The following OSBPL6 variants were observed in gnomAD, a reference collection of about 807,000 sequenced individuals.
The protein encoded by OSBPL6 is oxysterol binding protein like 6.
In OSBPL6, 49 loss-of-function variants were observed where a neutral mutation model predicts 125.8. That is an observed-to-expected ratio of 0.39 (90% CI 0.31 to 0.49). The LOEUF (loss-of-function observed/expected upper bound fraction) is 0.49, where lower values mean the gene tolerates loss of function less well. Ranked by LOEUF, OSBPL6 falls within the 20% of genes least tolerant of loss-of-function variation. The probability of loss-of-function intolerance (pLI) is 0.88; values close to 1 mark genes in which losing one functional copy is unlikely to be tolerated. For synonymous variants in OSBPL6, 394 were observed against 391.8 expected (o/e 1.01, Z -0.07); for missense variants, 986 against 1,135.4 (o/e 0.87, Z 1.89).
chr2:178,391,836 G>C (rs1452590805), intron 22 of OSBPL6, among the ~76,000 whole-genome samples: 25 of 152,198 alleles, frequency 1.6e-4, no homozygotes, highest in Non-Finnish European at 1.0e-4. Context: ...AGTTTCCTAA[G>C]AGACATCAAT....
chr2:178,228,379 C>CA (rs1202728496), intron 1 of OSBPL6, among the ~76,000 whole-genome samples: 19 of 152,168 alleles, frequency 1.2e-4, no homozygotes, highest in South Asian at 2.1e-4. Flanking sequence ...ACTAAAAATA[C>CA]AAAAAATGAG....
intron 1 of OSBPL6, among the ~76,000 whole-genome samples, chr2:178,271,853 T>A (rs1228466856): frequency 6.6e-6 from 1 of 152,186 alleles, no homozygotes; most frequent in Admixed American, 6.5e-5. Context: ...ATGTTCCAGA[T>A]GTCATTGATA....
intron 1 of OSBPL6, among the ~76,000 whole-genome samples, chr2:178,206,360 G>A (rs191503705): frequency 6.6e-6 from 1 of 152,268 alleles, no homozygotes; most frequent in Non-Finnish European, 1.5e-5. Flanking sequence ...CAGGAAAAAC[G>A]GTGTCCTTAC....
chr2:178,378,546 T>G (rs1559313402), intron 15 of OSBPL6, among the ~76,000 whole-genome samples: 1 of 152,258 alleles, frequency 6.6e-6, no homozygotes, highest in Admixed American at 6.5e-5. Flanking sequence ...TAAACTTGTT[T>G]CTGCAATGCT....
At chr2:178,305,426 T>C (rs1686673782) in intron 2 of OSBPL6, among the ~76,000 whole-genome samples, 1 of 152,228 alleles carries the variant, frequency 6.6e-6, no homozygotes, top group Non-Finnish European at 1.5e-5. Context: ...CATTTACCCC[T>C]GCTCTAAGAT....
intron 11 of OSBPL6, among the ~76,000 whole-genome samples, chr2:178,342,413 A>C (rs957179083): frequency 6.6e-6 from 1 of 152,182 alleles, no homozygotes; most frequent in Non-Finnish European, 1.5e-5. Context: ...GAAAGTAAAA[A>C]TGAAAAACAT....
intron 13 of OSBPL6, among the ~76,000 whole-genome samples, chr2:178,368,074 A>G (rs1434092): frequency 0.76 from 114,944 of 152,014 alleles, 43,786 homozygotes; most frequent in East Asian, 1. Flanking sequence ...GTCATGAAGA[A>G]CATCACTTCC....
At position 178,195,063 on chromosome 2, in the gene OSBPL6, GAGA is replaced by G. The variant is rs544920307; in HGVS notation, c.-351+392_-351+394del. 3.6e-3 allele frequency among the ~76,000 whole-genome samples: 543 copies of G among 152,302 alleles called. 6 individuals carry two copies. In the Middle Eastern group the frequency reaches 0.037, roughly 10 times the overall value. On this transcript the variant is annotated intron_variant, in intron 1 of 24. Coordinates refer to ENST00000190611, the MANE Select transcript of OSBPL6 (RefSeq NM_032523.4). ...GCCTGGGGATTGAAGCAGGGGCAGG[GAGA>G]AGGACTGATGTAATTGTCAGCGGAA... is the stretch of plus-strand genomic sequence containing the variant.
chr2:178,198,874 A>G (rs1355579126), intron 1 of OSBPL6, among the ~76,000 whole-genome samples: 4 of 152,228 alleles, frequency 2.6e-5, no homozygotes, highest in Admixed American at 1.3e-4. Context: ...CAAAGGTACA[A>G]TAGCTAAAAT....
At chr2:178,256,219 C>T (rs2091883671) in intron 1 of OSBPL6, among the ~76,000 whole-genome samples, 1 of 152,164 alleles carries the variant, frequency 6.6e-6, no homozygotes, top group Non-Finnish European at 1.5e-5. Context: ...GCAAAAAGAC[C>T]CTTTCCGTGG....
chr2:178,320,532 T>C (rs1688146742), intron 3 of OSBPL6: 2 of 919,894 alleles, frequency 2.2e-6, no homozygotes, highest in Non-Finnish European at 3.3e-6. Context: ...CATAACCCTT[T>C]ATTTAACTTG....
At chr2:178,340,608 G>A (rs1322249702) in intron 11 of OSBPL6, among the ~76,000 whole-genome samples, 1 of 151,906 alleles carries the variant, frequency 6.6e-6, no homozygotes, top group East Asian at 1.9e-4. Flanking sequence ...CCTCCTAAAT[G>A]CATATTATAC....
intron 2 of OSBPL6, among the ~76,000 whole-genome samples, chr2:178,297,084 A>T (rs1174034803): frequency 6.6e-6 from 1 of 152,160 alleles, no homozygotes; most frequent in African/African-American, 2.4e-5. Context: ...GAAAGAATTA[A>T]TGCTACTGCA....
At chr2:178,275,437 G>A (rs1044101663) in intron 1 of OSBPL6, among the ~76,000 whole-genome samples, 5 of 152,240 alleles carry the variant, frequency 3.3e-5, no homozygotes, top group East Asian at 1.9e-4. Context: ...TCTTGAACCC[G>A]GAAGCCGGAG....
intron 5 of OSBPL6, among the ~76,000 whole-genome samples, chr2:178,331,133 C>A (rs535043831): frequency 6.6e-6 from 1 of 152,274 alleles, no homozygotes; most frequent in East Asian, 1.9e-4. Flanking sequence ...CTGTGGTATC[C>A]AGGGAAAATT....
intron 1 of OSBPL6, among the ~76,000 whole-genome samples, chr2:178,275,846 C>A (rs1449484867): frequency 6.6e-6 from 1 of 152,104 alleles, no homozygotes; most frequent in Non-Finnish European, 1.5e-5. Context: ...CTGTTATGAA[C>A]ACTTTACATG....
intron 1 of OSBPL6, among the ~76,000 whole-genome samples, chr2:178,205,084 C>T (rs1004377921): frequency 3.3e-5 from 5 of 152,282 alleles, no homozygotes; most frequent in South Asian, 2.1e-4. Context: ...TGCCAAGCTC[C>T]TGCAGTTTGT....
At chr2:178,279,634 G>A (rs1683922447) in intron 1 of OSBPL6, among the ~76,000 whole-genome samples, 1 of 152,198 alleles carries the variant, frequency 6.6e-6, no homozygotes, top group Admixed American at 6.5e-5. Context: ...CAGATGTGCT[G>A]TACGAAAACG....
chr2:178,336,994 C>T (rs1689744871), intron 9 of OSBPL6, among the ~76,000 whole-genome samples: 1 of 152,152 alleles, frequency 6.6e-6, no homozygotes, highest in Non-Finnish European at 1.5e-5. Context: ...ATCAGTGATT[C>T]AATATTCTGA....
Sources: allele counts gnomAD v4.1 joint callset (sites outside exome capture counted in the v4.1 genomes callset), GRCh38; gene constraint gnomAD v4.1.1; transcripts MANE v1.5; gene names NCBI Gene and HGNC (gene_info 2026-07-23, HGNC 2026-07-21).